MIGA2: variants seen among roughly 807,000 people sequenced by gnomAD.
The protein encoded by MIGA2 is family with sequence similarity 73, member B.
MIGA2 carries 36 observed loss-of-function variants against 69.9 expected under a neutral mutation model. The ratio of observed to expected loss-of-function variants is 0.52; its 90% CI spans 0.39 to 0.68. The LOEUF (loss-of-function observed/expected upper bound fraction) is 0.68, where lower values mean the gene tolerates loss of function less well. Ranked by LOEUF, MIGA2 falls within the 30% of genes least tolerant of loss-of-function variation. The probability of loss-of-function intolerance (pLI) is 0.00; values close to 1 mark genes in which losing one functional copy is unlikely to be tolerated. For missense variants in MIGA2, 660 were observed against 787.7 expected (o/e 0.84, Z 1.94); for synonymous variants, 333 against 349.2 (o/e 0.95, Z 0.52).
At position 129,068,236 on chromosome 9, in the gene MIGA2, C is replaced by T. The variant is rs746722533; in HGVS notation, c.1308C>T (p.Phe436=). 8 of 1,613,722 alleles carry T rather than the reference C, an allele frequency of 5.0e-6. No homozygotes were observed. The highest frequency in any genetic ancestry group is 6.8e-6 in the Non-Finnish European group (8 of 1,180,024). ...CMSFFDIVLD[F]ILMDAFEDLE... ...GCTTCTTCGACATCGTGCTGGACTT[C>T]ATCCTCATGGACGCCTTCGAGGACC... Residue 436 remains phenylalanine (F), a synonymous_variant, in exon 13 of 16, where the codon TTC becomes TTT. Transcript: ENST00000684074. This position sits in a 1 kb window ranked among gnomAD's most constrained non-coding sequence, Gnocchi z 4.1.
chr9:129,063,187 C>T (rs1846155970), intron 9 of MIGA2, 57 bp from the exon 10 acceptor site: 2 of 1,595,452 alleles, frequency 1.3e-6, no homozygotes, highest in African/African-American at 2.7e-5. Flanking sequence ...CACCTGACCC[C>T]CCGGGGCATC....
chr9:129,058,380 G>A (rs1210615247), intron 6 of MIGA2, among the ~76,000 whole-genome samples: 1 of 148,734 alleles, frequency 6.7e-6, no homozygotes, highest in Non-Finnish European at 1.5e-5. Context: ...TGCGGGCTGG[G>A]TGACAGAACG....
chr9:129,057,173 T>C (rs769712296), intron 6 of MIGA2, among the ~76,000 whole-genome samples: 1 of 152,238 alleles, frequency 6.6e-6, no homozygotes, highest in East Asian at 1.9e-4. Flanking sequence ...TTGTGGCATT[T>C]TTTTTCCAGA....
chr9:129,063,685 C>G lies in MIGA2; in HGVS notation c.1170+54C>G, dbSNP rs1205123668. 5.1e-6 allele frequency: 8 copies of G among 1,573,920 alleles called. No homozygotes were observed. In the South Asian group the frequency reaches 9.0e-5, roughly 18 times the overall value. On this transcript the variant is annotated intron_variant, in intron 11 of 15. Coordinates refer to ENST00000684074, the MANE Select transcript of MIGA2 (RefSeq NM_001329990.2). ...TTATAAAATGCAAACCACAGAGGGT[C>G]CCCCTGAACCCCACCTGCCAGAGGG...
At chr9:129,039,220 T>TGTGTGTG (rs772090970) in intron 1 of MIGA2, among the ~76,000 whole-genome samples, 2 of 144,986 alleles carry the variant, frequency 1.4e-5, no homozygotes, top group African/African-American at 2.6e-5. Flanking sequence ...TGTGTGTGTG[T>TGTGTGTG]TTTATTTTAT....
Position 129,042,419 on chromosome 9 carries a change from G to T in MIGA2, c.212G>T (p.Arg71Met), listed in dbSNP as rs1844963312. The part of the protein sequence containing the change: ...AAHQLKRRRR[R>M]KKQVGPEMGG... ...CACCAGCTGAAGAGGCGACGGAGGA[G>T]GAAGAAGCAGGTTGGTCCCGAGATG... Residue 71 changes from arginine to methionine, a missense_variant, in exon 3 of 16, where the codon AGG (arginine) becomes ATG (methionine). Arg to Met is a moderately conservative substitution (Grantham distance 91). Around this residue, in one of 3 missense-constraint regions of MIGA2, gnomAD observed 386 missense variants for 402.0 expected, o/e 0.96. Transcript: ENST00000684074. 6.2e-7 allele frequency: 1 copy of T among 1,613,470 alleles called. No homozygotes were observed.
In MIGA2 at chr9:129,068,171, T is replaced by C; in HGVS notation, c.1270-27T>C. On this transcript the variant is annotated intron_variant, in intron 12 of 15. Transcript: ENST00000684074. The surrounding 1 kb of genome is among the most constrained non-coding windows in gnomAD (Gnocchi z 4.1). ...GAGGCTCCGGCAGTGCCCCCATGCA[T>C]GAGCCTCCCGGGGGCACCCTCTGTA... 2 of 1,613,548 alleles carry C rather than the reference T, an allele frequency of 1.2e-6. No individual in the cohort carries two copies. Among genetic ancestry groups the C allele is most frequent in the Non-Finnish European group, 1.7e-6 (2 of 1,179,994 alleles).
In MIGA2 at chr9:129,070,400, G is replaced by A. The variant is rs1588423105; in HGVS notation, c.1729G>A (p.Gly577Ser). Reference protein sequence around the residue: ...YLGVPAASSAGVNGALPRENG... With the variant: ...YLGVPAASSASVNGALPRENG... ...GGGGGTGCCCGCGGCCAGCAGCGCA[G>A]GCGTGAATGGGGCGCTGCCCCGAGA... is the stretch of plus-strand genomic sequence containing the variant. Residue 577 changes from glycine (G) to serine (S), a missense_variant, in exon 16 of 16, where the codon GGC becomes AGC. Coordinates refer to ENST00000684074, the MANE Select transcript of MIGA2 (RefSeq NM_001329990.2). 1 of 1,610,194 alleles carries A rather than the reference G, an allele frequency of 6.2e-7. No homozygotes were observed. The highest frequency in any genetic ancestry group is 8.5e-7 in the Non-Finnish European group (1 of 1,178,300).
intron 15 of MIGA2, 92 bp from the exon 16 acceptor site, chr9:129,070,155 T>G: frequency 6.9e-7 from 1 of 1,448,338 alleles, no homozygotes; most frequent in African/African-American, 1.4e-5. Flanking sequence ...CGGCTGGGGC[T>G]CTGGTGGTGG....
intron 11 of MIGA2, among the ~76,000 whole-genome samples, chr9:129,066,245 C>G (rs1846334856): frequency 6.6e-6 from 1 of 152,168 alleles, no homozygotes; most frequent in African/African-American, 2.4e-5. Flanking sequence ...CCAGCCTGAG[C>G]CCTTGACTTG....
chr9:129,060,358 C>G lies in MIGA2; in HGVS notation c.794-192C>G. 1.9e-6 allele frequency: 1 copy of G among 538,526 alleles called. No individual in the cohort carries two copies. The highest frequency in any genetic ancestry group is 3.3e-6 in the Non-Finnish European group (1 of 300,880). 33.4% of individuals were successfully genotyped at this position (538,526 alleles called of 1,614,324 possible). The stretch of plus-strand genomic sequence containing the variant: ...ATGTCGTGGGTGTTGAAGGAGGTCA[C>G]TCACTGAGGCGAGGAGTCCAGCGTC... On this transcript the variant is annotated intron_variant, in intron 7 of 15. Transcript: ENST00000684074. This position sits in a 1 kb window ranked among gnomAD's most constrained non-coding sequence, Gnocchi z 4.8.
In MIGA2 at chr9:129,060,746, C is replaced by A; in HGVS notation, c.894+96C>A. ...GCACTGGGTCATGGGAAAGTGGAGG[C>A]ATTTCCTCTGATGGGAGAATTTGGA... On this transcript the variant is annotated intron_variant, in intron 8 of 15. Coordinates refer to ENST00000684074, the MANE Select transcript of MIGA2 (RefSeq NM_001329990.2). This position sits in a 1 kb window ranked among gnomAD's most constrained non-coding sequence, Gnocchi z 4.8. 1.9e-6 allele frequency: 2 copies of A among 1,055,878 alleles called. No individual in the cohort carries two copies. The highest frequency in any genetic ancestry group is 2.8e-6 in the Non-Finnish European group (2 of 725,388). 65.4% of individuals were successfully genotyped at this position (1,055,878 alleles called of 1,614,324 possible).
intron 3 of MIGA2, among the ~76,000 whole-genome samples, chr9:129,045,976 C>T (rs1163087217): frequency 6.6e-6 from 1 of 151,758 alleles, no homozygotes; most frequent in Non-Finnish European, 1.5e-5. Flanking sequence ...GCCTCAGCCT[C>T]CTGAGTAGCT....
Position 129,068,440 on chromosome 9 carries a change from C to T in MIGA2, c.1404+108C>T, listed in dbSNP as rs1184737524. ...CACTGGCACCAGGGCTGGGCCCCCA[C>T]CCCCTAGATCCGCGGCTGCCAGGCC... On this transcript the variant is annotated intron_variant, in intron 13 of 15. Transcript: ENST00000684074. This position sits in a 1 kb window ranked among gnomAD's most constrained non-coding sequence, Gnocchi z 4.1. 4.1e-6 allele frequency: 6 copies of T among 1,464,840 alleles called. No homozygotes were observed. The highest frequency in any genetic ancestry group is 1.2e-5 in the South Asian group (1 of 81,786). The allele number at this position is 1,464,840 out of a possible 1,614,324, so 90.7% of individuals were successfully genotyped here. A position where few individuals can be genotyped will look rare whatever the true frequency, so the allele number is the denominator to read the frequency against.
In MIGA2 at chr9:129,049,954, A is replaced by G. The variant is rs776832672; in HGVS notation, c.666A>G (p.Pro222=). The G allele has an allele frequency of 6.2e-7, 1 of 1,613,040 alleles. No individual in the cohort carries two copies. Among genetic ancestry groups the G allele is most frequent in the Non-Finnish European group, 8.5e-7 (1 of 1,179,710 alleles). Residue 222 remains proline (P), a synonymous_variant, in exon 6 of 16, where the codon CCA becomes CCG. Coordinates refer to ENST00000684074, the MANE Select transcript of MIGA2 (RefSeq NM_001329990.2). ...GLRNPETASE[P]LSEPESQRKE... is the part of the protein sequence containing the mutation. ...GGAACCCAGAGACTGCATCAGAGCCACTGTCTGAGGTAGGTGGTCTTCTGC... is the reference window on the plus strand; with the variant it reads ...GGAACCCAGAGACTGCATCAGAGCCGCTGTCTGAGGTAGGTGGTCTTCTGC...
At chr9:129,053,368 T>TC (rs1845643997) in intron 6 of MIGA2, among the ~76,000 whole-genome samples, 1 of 148,330 alleles carries the variant, frequency 6.7e-6, no homozygotes, top group African/African-American at 2.5e-5. Flanking sequence ...TTGCTATAAT[T>TC]TTTTTTTTTT....
chr9:129,068,956 A>G lies in MIGA2; in HGVS notation c.1405-120A>G. On this transcript the variant is annotated intron_variant, in intron 13 of 15. Transcript: ENST00000684074. This position sits in a 1 kb window ranked among gnomAD's most constrained non-coding sequence, Gnocchi z 4.1. ...CAGCAGAGCTTAGGCACCTGGCCCCATCTTCCTGCTTGGAGTGGGGTGAGC... is the reference window on the plus strand; with the variant it reads ...CAGCAGAGCTTAGGCACCTGGCCCCGTCTTCCTGCTTGGAGTGGGGTGAGC... 1 of 1,139,220 alleles carries G rather than the reference A, an allele frequency of 8.8e-7. No individual in the cohort carries two copies. 70.6% of individuals were successfully genotyped at this position (1,139,220 alleles called of 1,614,324 possible).
At chr9:129,066,011 G>A (rs529453194) in intron 11 of MIGA2, among the ~76,000 whole-genome samples, 1 of 152,326 alleles carries the variant, frequency 6.6e-6, no homozygotes, top group Non-Finnish European at 1.5e-5. Flanking sequence ...AGCACAGGGC[G>A]GGTACTGCAT....
At chr9:129,062,278 T>C (rs1846104205) in intron 9 of MIGA2, among the ~76,000 whole-genome samples, 1 of 150,816 alleles carries the variant, frequency 6.6e-6, no homozygotes, top group African/African-American at 2.4e-5. Flanking sequence ...TGCCTATAAT[T>C]CCAGCACTTT....
Sources: allele counts gnomAD v4.1 joint callset (sites outside exome capture counted in the v4.1 genomes callset), GRCh38; gene constraint gnomAD v4.1.1; regional missense constraint gnomAD v4.1.1; non-coding constraint Gnocchi (gnomAD v3.1); transcripts MANE v1.5; gene names NCBI Gene and HGNC (gene_info 2026-07-23, HGNC 2026-07-21).